DMD: variants seen among roughly 807,000 people sequenced by gnomAD.
DMD encodes the protein mutant dystrophin.
In DMD, 63 loss-of-function variants were observed where a neutral mutation model predicts 330.1. The observed-to-expected ratio is 0.19, with a 90% CI of 0.16 to 0.24. The LOEUF (loss-of-function observed/expected upper bound fraction) is 0.24. Among genes scored for constraint, DMD ranks in the 10% least tolerant of loss-of-function variants. DMD has a pLI of 1.00. For synonymous variants in DMD, 1,223 were observed against 959.8 expected (o/e 1.27, Z -5.07); for missense variants, 3,344 against 2,684.1 (o/e 1.25, Z -5.43).
chrX:33,117,902 G>C (rs67692685), intron 1 of DMD, among the ~76,000 whole-genome samples: 2 of 110,861 alleles, frequency 1.8e-5, no homozygotes, highest in Non-Finnish European at 3.8e-5. Context: ...CATATACTAC[G>C]GGACAAAACA....
chrX:32,498,679 T>A (rs986612000), intron 19 of DMD, among the ~76,000 whole-genome samples: 4 of 111,832 alleles, frequency 3.6e-5, no homozygotes, highest in Non-Finnish European at 7.5e-5. Flanking sequence ...ATATTAACTG[T>A]TTTAAAATTC....
intron 17 of DMD, among the ~76,000 whole-genome samples, chrX:32,524,199 G>A (rs774556632): frequency 8.1e-5 from 9 of 111,782 alleles, no homozygotes; most frequent in South Asian, 7.4e-4. Flanking sequence ...CTCCCAAAGT[G>A]CTGGGATTAC....
intron 60 of DMD, among the ~76,000 whole-genome samples, chrX:31,376,777 T>G (rs1238864475): frequency 8.9e-6 from 1 of 112,256 alleles, no homozygotes; most frequent in Non-Finnish European, 1.9e-5. Context: ...TTGTTTCTTC[T>G]GTCCTAGTTT....
intron 55 of DMD, among the ~76,000 whole-genome samples, chrX:31,569,636 ATATATG>A (rs2075679103): frequency 8.1e-5 from 8 of 98,404 alleles, no homozygotes; most frequent in African/African-American, 3.1e-4. Flanking sequence ...ATATACGTAT[ATATATG>A]TATATACGTA....
intron 7 of DMD, among the ~76,000 whole-genome samples, chrX:32,742,884 A>T (rs1183332146): frequency 1.8e-5 from 2 of 111,999 alleles, no homozygotes; most frequent in Non-Finnish European, 3.8e-5. Context: ...AGATACTATT[A>T]TGATCCCCAT....
intron 67 of DMD, among the ~76,000 whole-genome samples, chrX:31,184,290 G>A (rs1014745756): frequency 1.8e-5 from 2 of 111,800 alleles, no homozygotes; most frequent in African/African-American, 3.3e-5. Flanking sequence ...CTCCACTTTC[G>A]TCTATCTCTG....
At position 31,411,138 on chromosome X, in the gene DMD, A is replaced by G. The variant is rs768587915; in HGVS notation, c.9084+33343T>C. On this transcript the variant is annotated intron_variant, in intron 60 of 78. Transcript: ENST00000357033. ...GAGAAATGCAGTATTACCAGGGCAG[A>G]AAAACATGCTCTGTGAACTTATGTG... is the stretch of plus-strand genomic sequence containing the variant. Among the ~76,000 whole-genome samples the G allele has an allele frequency of 7.2e-5, 8 of 110,995 alleles. No homozygotes were observed. The East Asian group carries it at 2.3e-3, about 31-fold the overall frequency.
intron 15 of DMD, among the ~76,000 whole-genome samples, chrX:32,572,483 C>G (rs972715288): frequency 1.8e-5 from 2 of 109,124 alleles, no homozygotes; most frequent in African/African-American, 6.6e-5. Context: ...AAAAATTAAA[C>G]TCATAGTATC....
At chrX:32,815,520 TACACACACAC>T (rs1557051739) in intron 6 of DMD, among the ~76,000 whole-genome samples, 1 of 78,959 alleles carries the variant, frequency 1.3e-5, no homozygotes, top group African/African-American at 5.3e-5. Context: ...TATATATATA[TACACACACAC>T]ACACACATAT....
At chrX:31,845,389 C>G (rs911148904) in intron 48 of DMD, among the ~76,000 whole-genome samples, 2 of 56,156 alleles carry the variant, frequency 3.6e-5, no homozygotes, top group East Asian at 1.6e-3. Context: ...CTCTCTCTCT[C>G]TCTCTCTCTC....
At chrX:32,487,481 G>A (rs1460031142) in intron 20 of DMD, among the ~76,000 whole-genome samples, 8 of 110,785 alleles carry the variant, frequency 7.2e-5, no homozygotes, top group Admixed American at 9.7e-5. Context: ...AATTCTGAAC[G>A]AATTGAAATC....
At chrX:32,852,860 C>G (rs184289242) in intron 2 of DMD, among the ~76,000 whole-genome samples, 3 of 109,252 alleles carry the variant, frequency 2.7e-5, no homozygotes, top group Non-Finnish European at 5.7e-5. Flanking sequence ...GCTTGGGTGC[C>G]AGCTCTGCCA....
At chrX:33,138,049 T>C (rs1245902598) in intron 1 of DMD, among the ~76,000 whole-genome samples, 2 of 110,254 alleles carry the variant, frequency 1.8e-5, no homozygotes, top group East Asian at 5.7e-4. Flanking sequence ...ATTTTTCAGA[T>C]GAAGAAACTA....
chrX:32,801,443 T>G (rs575273080), intron 7 of DMD, among the ~76,000 whole-genome samples: 6 of 111,815 alleles, frequency 5.4e-5, no homozygotes, highest in Non-Finnish European at 9.4e-5. Flanking sequence ...TTGCAAAAAT[T>G]TTCTCCCATC....
At chrX:32,097,041 C>T (rs1467941044) in intron 44 of DMD, among the ~76,000 whole-genome samples, 3 of 111,228 alleles carry the variant, frequency 2.7e-5, no homozygotes, top group Non-Finnish European at 3.8e-5. Flanking sequence ...TCATTTAACC[C>T]CCATTAATGA....
At chrX:32,681,415 A>T (rs144768016) in intron 9 of DMD, among the ~76,000 whole-genome samples, 2,137 of 111,767 alleles carry the variant, frequency 0.019, 64 homozygotes, top group African/African-American at 0.065. Flanking sequence ...AAGGTAGCAT[A>T]TCCCACCTTG....
chrX:32,343,029 G>A, intron 40 of DMD, 105 bp downstream of exon 40: 1 of 837,996 alleles, frequency 1.2e-6, no homozygotes, highest in Non-Finnish European at 1.8e-6. Flanking sequence ...TCAAATCAAA[G>A]AGAACGTTAA....
chrX:32,703,799 G>A (rs1603196738), intron 7 of DMD, among the ~76,000 whole-genome samples: 2 of 111,410 alleles, frequency 1.8e-5, no homozygotes, highest in Admixed American at 9.6e-5. Flanking sequence ...GTACTATAAA[G>A]TATTTGAGGA....
At chrX:32,193,229 G>A (rs1045755867) in intron 44 of DMD, among the ~76,000 whole-genome samples, 1 of 111,791 alleles carries the variant, frequency 8.9e-6, no homozygotes, top group African/African-American at 3.3e-5. Flanking sequence ...AGCCAAGTAA[G>A]TGTCTTTTCT....
Sources: allele counts gnomAD v4.1 joint callset (sites outside exome capture counted in the v4.1 genomes callset), GRCh38; gene constraint gnomAD v4.1.1; transcripts MANE v1.5; gene names NCBI Gene and HGNC (gene_info 2026-07-23, HGNC 2026-07-21).